Variants in LRRC32 observed in about 807,000 individuals in gnomAD.
The protein encoded by LRRC32 is leucine rich repeat containing 32.
In LRRC32, 5 loss-of-function variants were observed where a neutral mutation model predicts 15.0. The observed-to-expected ratio is 0.33, with a 90% CI of 0.17 to 0.70. The LOEUF (loss-of-function observed/expected upper bound fraction) is 0.70. LRRC32 is among the 30% of genes least tolerant of loss of function. The pLI is 0.66. For missense variants in LRRC32, 803 were observed against 854.2 expected (o/e 0.94, Z 0.75); for synonymous variants, 391 against 403.9 (o/e 0.97, Z 0.38).
intron 1 of LRRC32, 36 bp from the exon 2 acceptor site, chr11:76,665,994 G>A: frequency 6.3e-7 from 1 of 1,591,992 alleles, no homozygotes; most frequent in Non-Finnish European, 8.6e-7. Flanking sequence ...AACACTGTAA[G>A]CCCACTGGCT....
Position 76,659,403 on chromosome 11 carries a change from C to G in LRRC32, c.*201G>C. On this transcript the variant is annotated 3_prime_UTR_variant, in exon 3 of 3. Transcript: ENST00000260061. ...GGCTGTCCCTGAAACCGCCCAACTT[C>G]TGGCTTCCACAGCTGGACCCAAAGT... 1 of 589,170 alleles carries G rather than the reference C, an allele frequency of 1.7e-6. No individual in the cohort carries two copies. Among genetic ancestry groups the G allele is most frequent in the South Asian group, 2.3e-5 (1 of 44,114 alleles). The allele number at this position is 589,170 out of a possible 1,614,324, so 36.5% of individuals were successfully genotyped here. A position where few individuals can be genotyped will look rare whatever the true frequency, so the allele number is the denominator to read the frequency against.
chr11:76,659,792 G>C lies in LRRC32; in HGVS notation c.1801C>G (p.Arg601Gly). The C allele has an allele frequency of 1.2e-6, 2 of 1,614,220 alleles. No individual in the cohort carries two copies. Among genetic ancestry groups the C allele is most frequent in the Non-Finnish European group, 1.7e-6 (2 of 1,180,042 alleles). ...DVDATQDLIC[R>G]FSSQEEVSLS... ...GACACCTCCTCCTGGGAGCTGAAGC[G>C]GCAGATCAGGTCCTGGGTGGCGTCC... The change falls in exon 3 of 3, where the codon CGC becomes GGC. Residue 601 changes from arginine to glycine, a missense_variant. Arg to Gly is a moderately radical substitution (Grantham distance 125). Coordinates refer to ENST00000260061, the MANE Select transcript of LRRC32 (RefSeq NM_001128922.2).
In LRRC32 at chr11:76,665,922, C is replaced by G; in HGVS notation, c.33G>C (p.Leu11=). 6.2e-7 allele frequency: 1 copy of G among 1,614,064 alleles called. No individual in the cohort carries two copies. Among genetic ancestry groups the G allele is most frequent in the Non-Finnish European group, 8.5e-7 (1 of 1,179,958 alleles). The change falls in exon 2 of 3, where the codon CTG becomes CTC. Residue 11 remains leucine (L), a synonymous_variant. Coordinates refer to ENST00000260061, the MANE Select transcript of LRRC32 (RefSeq NM_001128922.2). Reference sequence around the variant, plus strand: ...GTTGTGCAGCCAGGCCTAGGGTCAGCAGGGCCAGGAGCAGCAGGATCTGGG... The same window carrying G: ...GTTGTGCAGCCAGGCCTAGGGTCAGGAGGGCCAGGAGCAGCAGGATCTGGG... MRPQILLLLA[L]LTLGLAAQHQ...
At chr11:76,662,527 G>GT in intron 2 of LRRC32, 1 of 152,154 alleles carries the variant, frequency 6.6e-6, no homozygotes, top group East Asian at 1.9e-4. Context: ...TTGAACCCAG[G>GT]TTTTTTAACA....
chr11:76,669,252 T>C (rs1952671989), intron 1 of LRRC32, among the ~76,000 whole-genome samples: 1 of 151,844 alleles, frequency 6.6e-6, no homozygotes, highest in South Asian at 2.1e-4. Context: ...GTGTGCTCAG[T>C]GGGGAGGCCC....
chr11:76,664,026 G>C (rs1385605153), intron 2 of LRRC32, among the ~76,000 whole-genome samples: 4 of 152,188 alleles, frequency 2.6e-5, no homozygotes, highest in African/African-American at 9.7e-5. Context: ...GCACAGCAAA[G>C]AGCATCATGG....
rs770032584 is a variant in LRRC32, at chr11:76,661,154, C to T, written c.439G>A (p.Glu147Lys). ...GAGAGGGTATGCAGGCTGGGTGCCT[C>T]CCCCAGCAGCCGCTCCAGCAGGCCG... ...YSGLLERLLG[E>K]APSLHTLSLA... The change falls in exon 3 of 3, where the codon GAG (glutamate) becomes AAG (lysine). Residue 147 changes from glutamate to lysine, a missense_variant. Transcript: ENST00000260061. The T allele has an allele frequency of 6.2e-7, 1 of 1,613,474 alleles. No homozygotes were observed. Among genetic ancestry groups the T allele is most frequent in the Non-Finnish European group, 8.5e-7 (1 of 1,179,842 alleles).
Position 76,661,101 on chromosome 11 carries a change from G to T in LRRC32, c.492C>A (p.Leu164=). The stretch of plus-strand genomic sequence containing the variant: ...GCATGTCCCGGAAGGTGTGGCGGGT[G>T]AGGCGAGTCAGACTGTTCTCCGCCA... ...LSLAENSLTR[L]TRHTFRDMPA... is the part of the protein sequence containing the mutation. Residue 164 remains leucine (L), a synonymous_variant, in exon 3 of 3, where the codon CTC becomes CTA. Transcript: ENST00000260061. 1 of 1,613,968 alleles carries T rather than the reference G, an allele frequency of 6.2e-7. No individual in the cohort carries two copies. The highest frequency in any genetic ancestry group is 8.5e-7 in the Non-Finnish European group (1 of 1,180,016).
chr11:76,670,367 T>A (rs1032139357), intron 1 of LRRC32, among the ~76,000 whole-genome samples: 5 of 152,202 alleles, frequency 3.3e-5, no homozygotes, highest in East Asian at 3.9e-4. Flanking sequence ...GCCATTGTTT[T>A]CCCAGCTGTC....
intron 1 of LRRC32, among the ~76,000 whole-genome samples, chr11:76,668,103 A>G (rs904429348): frequency 6.6e-6 from 1 of 151,646 alleles, no homozygotes; most frequent in Non-Finnish European, 1.5e-5. Flanking sequence ...TGCATCTCAC[A>G]GCACACAACA....
rs781554236 is a variant in LRRC32 at position 76,660,699 on chromosome 11, T to C, written c.894A>G (p.Ser298=). Reference sequence around the variant, plus strand: ...CGCTGGGGGCTGAGAGGGGCAGGGCTGACCAGCCCTCGGAAGGTGCGTGGA... The same window carrying C: ...CGCTGGGGGCTGAGAGGGGCAGGGCCGACCAGCCCTCGGAAGGTGCGTGGA... The part of the protein sequence containing the change: ...KGIHAPSEGW[S]ALPLSAPSGN... The change falls in exon 3 of 3, where the codon TCA becomes TCG. Residue 298 remains serine (S), a synonymous_variant. Coordinates refer to ENST00000260061, the MANE Select transcript of LRRC32 (RefSeq NM_001128922.2). 6 of 1,614,042 alleles carry C rather than the reference T, an allele frequency of 3.7e-6. 1 individual carries two copies. The South Asian group carries it at 6.6e-5, about 18-fold the overall frequency.
In LRRC32 at chr11:76,661,435, G is replaced by A; in HGVS notation, c.158C>T (p.Thr53Ile). 3 of 1,614,034 alleles carry A rather than the reference G, an allele frequency of 1.9e-6. No individual in the cohort carries two copies. Among genetic ancestry groups the A allele is most frequent in the Non-Finnish European group, 2.5e-6 (3 of 1,179,946 alleles). Residue 53 changes from threonine (T) to isoleucine (I), a missense_variant, in exon 3 of 3, where the codon ACC becomes ATC. By Grantham distance (89) the Thr-to-Ile change is moderately conservative. Coordinates refer to ENST00000260061, the MANE Select transcript of LRRC32 (RefSeq NM_001128922.2). ...CAGCTGGTTCCCAGATAGATCAAGG[G>A]TCTCAGTGTCTGGCGGGAGCACCGA... is the stretch of plus-strand genomic sequence containing the variant. ...VPSVLPPDTE[T>I]LDLSGNQLRS...
In LRRC32 at chr11:76,659,724, C is replaced by T. The variant is rs751515768; in HGVS notation, c.1869G>A (p.Leu623=). Reference sequence around the variant, plus strand: ...GGATGATGATGAGGTTGATGTTCTTCAGTCCCCCCTTCTCACAGTCCTCGG... The same window carrying T: ...GGATGATGATGAGGTTGATGTTCTTTAGTCCCCCCTTCTCACAGTCCTCGG... ...VRPEDCEKGG[L]KNINLIIILT... is the part of the protein sequence containing the mutation. Residue 623 remains leucine, a synonymous_variant, in exon 3 of 3, where the codon CTG becomes CTA. Transcript: ENST00000260061. The T allele has an allele frequency of 2.5e-6, 4 of 1,614,118 alleles. No homozygotes were observed. Among genetic ancestry groups the T allele is most frequent in the South Asian group, 2.2e-5 (2 of 91,094 alleles).
rs944958643 is a variant in LRRC32 at position 76,657,696 on chromosome 11, G to A, written c.*1908C>T. On this transcript the variant is annotated 3_prime_UTR_variant, in exon 3 of 3. Transcript: ENST00000260061. Reference sequence around the variant, plus strand: ...CTCCAGGCCTAAGGAGGAGTGTTACGTGCAGTAGCACCCGTGGGTGTGATC... The same window carrying A: ...CTCCAGGCCTAAGGAGGAGTGTTACATGCAGTAGCACCCGTGGGTGTGATC... 28 of 152,850 alleles carry A rather than the reference G, an allele frequency of 1.8e-4. No individual in the cohort carries two copies. The highest frequency in any genetic ancestry group is 6.5e-4 in the African/African-American group (27 of 41,582). 9.5% of individuals were successfully genotyped at this position (152,850 alleles called of 1,614,324 possible).
Position 76,659,776 on chromosome 11 carries a change from T to C in LRRC32, c.1817A>G (p.Glu606Gly), listed in dbSNP as rs1467438661. The C allele has an allele frequency of 1.7e-5, 28 of 1,614,110 alleles. No individual in the cohort carries two copies. Among genetic ancestry groups the C allele is most frequent in the Non-Finnish European group, 2.4e-5 (28 of 1,180,040 alleles). Residue 606 changes from glutamate to glycine, a missense_variant, in exon 3 of 3, where the codon GAG (glutamate) becomes GGG (glycine). Coordinates refer to ENST00000260061, the MANE Select transcript of LRRC32 (RefSeq NM_001128922.2). The stretch of plus-strand genomic sequence containing the variant: ...ACGCACGTGGCTCAGGGACACCTCC[T>C]CCTGGGAGCTGAAGCGGCAGATCAG... ...QDLICRFSSQ[E>G]EVSLSHVRPE...
chr11:76,669,331 A>G (rs1952673252), intron 1 of LRRC32, among the ~76,000 whole-genome samples: 1 of 149,928 alleles, frequency 6.7e-6, no homozygotes, highest in Non-Finnish European at 1.5e-5. Flanking sequence ...TCCAACTCAG[A>G]AAAGTGCCAA....
At chr11:76,670,204 C>T (rs1372596028) in intron 1 of LRRC32, among the ~76,000 whole-genome samples, 1 of 152,172 alleles carries the variant, frequency 6.6e-6, no homozygotes, top group Non-Finnish European at 1.5e-5. Context: ...GTGGGTGCCC[C>T]CTACCCCACT....
rs1341817809 is a variant in LRRC32, at chr11:76,657,899, C to CTG, written c.*1703_*1704dup. 2 of 152,404 alleles carry CTG rather than the reference C, an allele frequency of 1.3e-5. No individual in the cohort carries two copies. Among genetic ancestry groups the CTG allele is most frequent in the Non-Finnish European group, 2.9e-5 (2 of 68,066 alleles). 9.4% of individuals were successfully genotyped at this position (152,404 alleles called of 1,614,324 possible). ...TACTGAGCCCACATCATGAGCCAGA[C>CTG]TGTGGGCCAAGCACAGGTAAGATGA... is the stretch of plus-strand genomic sequence containing the variant. On this transcript the variant is annotated 3_prime_UTR_variant, in exon 3 of 3. Coordinates refer to ENST00000260061, the MANE Select transcript of LRRC32 (RefSeq NM_001128922.2).
chr11:76,664,991 C>T (rs1952600983), intron 2 of LRRC32, among the ~76,000 whole-genome samples: 1 of 152,344 alleles, frequency 6.6e-6, no homozygotes, highest in Admixed American at 6.5e-5. Context: ...TCATAAGCTT[C>T]TTCGAGTCTC....
Sources: allele counts gnomAD v4.1 joint callset (sites outside exome capture counted in the v4.1 genomes callset), GRCh38; gene constraint gnomAD v4.1.1; transcripts MANE v1.5; gene names NCBI Gene and HGNC (gene_info 2026-07-23, HGNC 2026-07-21).